Variants in LRP1 observed in about 807,000 individuals in gnomAD.
The protein encoded by LRP1 is prolow-density lipoprotein receptor-related protein 1.
LRP1 carries 51 observed loss-of-function variants against 541.5 expected under a neutral mutation model. That is an observed-to-expected ratio of 0.09 (90% CI 0.08 to 0.12). The LOEUF is 0.12. Ranked by LOEUF, LRP1 falls within the 10% of genes least tolerant of loss-of-function variation. The probability of loss-of-function intolerance (pLI) is 1.00; values close to 1 mark genes in which losing one functional copy is unlikely to be tolerated. For missense variants in LRP1, 3,878 were observed against 6,376.2 expected (o/e 0.61, Z 13.34); for synonymous variants, 2,219 against 2,470.8 (o/e 0.90, Z 3.02).
intron 2 of LRP1, among the ~76,000 whole-genome samples, chr12:57,141,105 G>C (rs1056166131): frequency 2.0e-5 from 3 of 152,176 alleles, no homozygotes; most frequent in Non-Finnish European, 4.4e-5. Flanking sequence ...CCTGAGCATA[G>C]AATGTTGAGG....
rs776173327 is a variant in LRP1, at chr12:57,185,076, C to G, written c.6339-5C>G. The G allele has an allele frequency of 1.2e-6, 2 of 1,614,156 alleles. No homozygotes were observed. Among genetic ancestry groups the G allele is most frequent in the Admixed American group, 1.7e-5 (1 of 60,020 alleles). ...TGCCCTGCTTGTGCCCTGTCCTTCC[C>G]TCAGGACTCATGCCAACGGCTCTAT... On this transcript the variant is annotated splice_region_variant and splice_polypyrimidine_tract_variant and intron_variant, in intron 39 of 88. Coordinates refer to ENST00000243077, the MANE Select transcript of LRP1 (RefSeq NM_002332.3). The surrounding 1 kb of genome is among the most constrained non-coding windows in gnomAD (Gnocchi z 4.9).
At chr12:57,187,226 C>G in intron 41 of LRP1, 41 bp from the exon 42 acceptor site, 1 of 1,586,062 alleles carries the variant, frequency 6.3e-7, no homozygotes, top group Non-Finnish European at 8.6e-7. Flanking sequence ...AGGCTGCCCT[C>G]TGGGCCCTCC....
At chr12:57,180,504 G>A (rs1240425037) in intron 32 of LRP1, 25 bp downstream of exon 32, 1 of 1,613,368 alleles carries the variant, frequency 6.2e-7, no homozygotes, top group East Asian at 2.2e-5. Context: ...GCGAAGCAGA[G>A]ATGACGCAGA....
Position 57,173,194 on chromosome 12 carries a change from A to G in LRP1, c.3190A>G (p.Thr1064Ala). Reference sequence around the variant, plus strand: ...CACGAGGCCCCCTGGTGGCTGCCACACTGATGAGTTCCAGTGCCGGCTGGA... The same window carrying G: ...CACGAGGCCCCCTGGTGGCTGCCACGCTGATGAGTTCCAGTGCCGGCTGGA... ...QATRPPGGCH[T>A]DEFQCRLDGL... Residue 1064 changes from threonine (T) to alanine (A), a missense_variant, in exon 21 of 89, where the codon ACT (threonine) becomes GCT (alanine). Physicochemically the swap from Thr to Ala is moderately conservative, Grantham distance 58. Coordinates refer to ENST00000243077, the MANE Select transcript of LRP1 (RefSeq NM_002332.3). The surrounding 1 kb of genome is among the most constrained non-coding windows in gnomAD (Gnocchi z 4.7). The G allele has an allele frequency of 1.2e-6, 2 of 1,612,640 alleles. No individual in the cohort carries two copies. The highest frequency in any genetic ancestry group is 1.7e-6 in the Non-Finnish European group (2 of 1,179,226).
rs766592636 is a variant in LRP1, at chr12:57,156,322, C to T, written c.1417+39C>T. 1 of 1,600,834 alleles carries T rather than the reference C, an allele frequency of 6.2e-7. No homozygotes were observed. Among genetic ancestry groups the T allele is most frequent in the East Asian group, 2.2e-5 (1 of 44,748 alleles). ...CATGGCCCCTCCAAAGCTGGCTTTACCCCATGATGGCTCTGGGACCTTGGG... is the reference window on the plus strand; with the variant it reads ...CATGGCCCCTCCAAAGCTGGCTTTATCCCATGATGGCTCTGGGACCTTGGG... On this transcript the variant is annotated intron_variant, in intron 9 of 88. Coordinates refer to ENST00000243077, the MANE Select transcript of LRP1 (RefSeq NM_002332.3). The surrounding 1 kb of genome is among the most constrained non-coding windows in gnomAD (Gnocchi z 5.2).
chr12:57,139,950 A>C (rs1012543576), intron 2 of LRP1, among the ~76,000 whole-genome samples: 2 of 152,208 alleles, frequency 1.3e-5, no homozygotes, highest in Non-Finnish European at 2.9e-5. Context: ...TTGTGTAAGC[A>C]GACTCCCATC....
At chr12:57,164,585 T>C (rs2035801866) in intron 15 of LRP1, 1 of 152,244 alleles carries the variant, frequency 6.6e-6, no homozygotes, top group Non-Finnish European at 1.5e-5. Flanking sequence ...TGTTTACCCC[T>C]AAAAACATCC....
At chr12:57,168,634 G>A (rs1486349379) in intron 19 of LRP1, among the ~76,000 whole-genome samples, 1 of 152,132 alleles carries the variant, frequency 6.6e-6, no homozygotes, top group African/African-American at 2.4e-5. Flanking sequence ...CAGCCTCAGC[G>A]AGCTTGGTCC....
chr12:57,151,511 C>T (rs2035524974), intron 6 of LRP1, among the ~76,000 whole-genome samples: 2 of 152,212 alleles, frequency 1.3e-5, no homozygotes, highest in African/African-American at 4.8e-5. Flanking sequence ...TTGGCCAGAG[C>T]CTCTTCAGAA....
At position 57,201,185 on chromosome 12, in the gene LRP1, T is replaced by C; in HGVS notation, c.10345+32T>C. Reference sequence around the variant, plus strand: ...GTCAGAGGTGGTGGTGGGCCGGTGGTGGGAGATGACACGGAAGCAGGGCAG... The same window carrying C: ...GTCAGAGGTGGTGGTGGGCCGGTGGCGGGAGATGACACGGAAGCAGGGCAG... On this transcript the variant is annotated intron_variant, in intron 65 of 88. Transcript: ENST00000243077. The surrounding 1 kb of genome is among the most constrained non-coding windows in gnomAD (Gnocchi z 6.4). 1 of 1,612,034 alleles carries C rather than the reference T, an allele frequency of 6.2e-7. No individual in the cohort carries two copies. Among genetic ancestry groups the C allele is most frequent in the Non-Finnish European group, 8.5e-7 (1 of 1,178,388 alleles).
chr12:57,180,530 C>T (rs1158345925), intron 32 of LRP1, 51 bp downstream of exon 32: 3 of 1,609,438 alleles, frequency 1.9e-6, no homozygotes, highest in Non-Finnish European at 2.5e-6. Context: ...CCAGGCCAGA[C>T]CTACTGGGAG....
At position 57,162,370 on chromosome 12, in the gene LRP1, C is replaced by T; in HGVS notation, c.2256C>T (p.Gly752=). 6.2e-7 allele frequency: 1 copy of T among 1,614,222 alleles called. No individual in the cohort carries two copies. Among genetic ancestry groups the T allele is most frequent in the Non-Finnish European group, 8.5e-7 (1 of 1,180,044 alleles). The change falls in exon 14 of 89, where the codon GGC becomes GGT. Residue 752 remains glycine, a synonymous_variant. Coordinates refer to ENST00000243077, the MANE Select transcript of LRP1 (RefSeq NM_002332.3). The surrounding 1 kb of genome is among the most constrained non-coding windows in gnomAD (Gnocchi z 5.2). ...ACGCCTTTGGCCTGTGTCACCATGG[C>T]AACTACCTCTTCTGGACTGAGTATC... ...LNHAFGLCHH[G]NYLFWTEYRS... is the part of the protein sequence containing the mutation.
In LRP1 at chr12:57,192,982, G is replaced by C. The variant is rs200145430; in HGVS notation, c.7555+12G>C. On this transcript the variant is annotated intron_variant, in intron 45 of 88. Transcript: ENST00000243077. The stretch of plus-strand genomic sequence containing the variant: ...CCTCACCTGCCGAGGTGAGAGAGGC[G>C]GGGGGGAGGGGCTGGCGGGGAACCC... 2.1e-4 allele frequency: 330 copies of C among 1,604,668 alleles called. 2 individuals carry two copies. In the African/African-American group the frequency reaches 4.0e-3, roughly 19 times the overall value.
chr12:57,204,129 C>T lies in LRP1; in HGVS notation c.10952-281C>T, dbSNP rs1443349471. On this transcript the variant is annotated intron_variant, in intron 70 of 88. Transcript: ENST00000243077. This position sits in a 1 kb window ranked among gnomAD's most constrained non-coding sequence, Gnocchi z 5.3. Reference sequence around the variant, plus strand: ...ACTACACAGCCCAGTGCTGTTCCCACGTCCCCGCTGTGGAACTACACAGCA... The same window carrying T: ...ACTACACAGCCCAGTGCTGTTCCCATGTCCCCGCTGTGGAACTACACAGCA... The T allele has an allele frequency of 8.9e-6, 3 of 336,322 alleles. No homozygotes were observed. The highest frequency in any genetic ancestry group is 4.2e-5 in the African/African-American group (2 of 48,056). 20.8% of individuals were successfully genotyped at this position (336,322 alleles called of 1,614,324 possible).
At position 57,158,493 on chromosome 12, in the gene LRP1, C is replaced by T; in HGVS notation, c.1653C>T (p.His551=). The T allele has an allele frequency of 3.1e-6, 5 of 1,614,196 alleles. No individual in the cohort carries two copies. Among genetic ancestry groups the T allele is most frequent in the Non-Finnish European group, 4.2e-6 (5 of 1,180,024 alleles). The change falls in exon 11 of 89, where the codon CAC becomes CAT. Residue 551 remains histidine (H), a synonymous_variant. Transcript: ENST00000243077. The surrounding 1 kb of genome is among the most constrained non-coding windows in gnomAD (Gnocchi z 5.3). ...TGGGGGCCAAGGTCCCGGATGAGCA[C>T]ATGATCCCCATTGAAAACCTCATGA... ...MDMGAKVPDE[H]MIPIENLMNP...
At position 57,185,301 on chromosome 12, in the gene LRP1, CA is replaced by C. The variant is rs1284543233; in HGVS notation, c.6463+98del. On this transcript the variant is annotated intron_variant, in intron 40 of 88. Transcript: ENST00000243077. This position sits in a 1 kb window ranked among gnomAD's most constrained non-coding sequence, Gnocchi z 4.9. ...AACCCAGTGTGAGAGGGCTGGGAGA[CA>C]AGTTAGACCCATGGGGCAACTTCCG... 6.6e-7 allele frequency: 1 copy of C among 1,519,578 alleles called. No individual in the cohort carries two copies. Among genetic ancestry groups the C allele is most frequent in the Non-Finnish European group, 8.9e-7 (1 of 1,121,082 alleles). The allele number at this position is 1,519,578 out of a possible 1,614,324, so 94.1% of individuals were successfully genotyped here. A position where few individuals can be genotyped will look rare whatever the true frequency, so the allele number is the denominator to read the frequency against.
rs759088039 is a variant in LRP1, at chr12:57,180,043, C to A, written c.5142-4C>A. The A allele has an allele frequency of 3.1e-6, 5 of 1,613,788 alleles. No homozygotes were observed. Among genetic ancestry groups the A allele is most frequent in the Non-Finnish European group, 3.4e-6 (4 of 1,179,948 alleles). On this transcript the variant is annotated splice_polypyrimidine_tract_variant and splice_region_variant and intron_variant, in intron 30 of 88. Transcript: ENST00000243077. Reference sequence around the variant, plus strand: ...ACCTTTCCCTCTTGGCACCCTCCCCCCAGGAAGCTCTACTGGACCGATGGT... The same window carrying A: ...ACCTTTCCCTCTTGGCACCCTCCCCACAGGAAGCTCTACTGGACCGATGGT...
chr12:57,212,456 G>A lies in LRP1; in HGVS notation c.13536G>A (p.Met4512Ile). The change falls in exon 89 of 89, where the codon ATG (methionine) becomes ATA (isoleucine). Residue 4512 changes from methionine (M) to isoleucine (I), a missense_variant. Coordinates refer to ENST00000243077, the MANE Select transcript of LRP1 (RefSeq NM_002332.3). The surrounding 1 kb of genome is among the most constrained non-coding windows in gnomAD (Gnocchi z 5.0). ...FTNPVYATLY[M>I]GGHGSRHSLA... ...ACCCCGTGTATGCCACACTCTACAT[G>A]GGGGGCCATGGCAGTCGCCACTCCC... 6.2e-7 allele frequency: 1 copy of A among 1,614,138 alleles called. No homozygotes were observed. The highest frequency in any genetic ancestry group is 8.5e-7 in the Non-Finnish European group (1 of 1,180,022).
rs934666789 is a variant in LRP1 at position 57,177,345 on chromosome 12, C to G, written c.4197-82C>G. ...TACTCCTCAGTGCCATCTGCCTCCT[C>G]CCACCCTCTACCTACGATCCCACCA... is the stretch of plus-strand genomic sequence containing the variant. On this transcript the variant is annotated intron_variant, in intron 25 of 88. Transcript: ENST00000243077. The surrounding 1 kb of genome is among the most constrained non-coding windows in gnomAD (Gnocchi z 6.8). The G allele has an allele frequency of 6.4e-7, 1 of 1,560,532 alleles. No homozygotes were observed. The highest frequency in any genetic ancestry group is 1.4e-5 in the African/African-American group (1 of 74,070).
Sources: allele counts gnomAD v4.1 joint callset (sites outside exome capture counted in the v4.1 genomes callset), GRCh38; gene constraint gnomAD v4.1.1; non-coding constraint Gnocchi (gnomAD v3.1); transcripts MANE v1.5; gene names NCBI Gene and HGNC (gene_info 2026-07-23, HGNC 2026-07-21).